ZNF385C: variants seen among roughly 807,000 people sequenced by gnomAD.
ZNF385C encodes the protein CTD-2132N18.2.
In ZNF385C, 28 loss-of-function variants were observed where a neutral mutation model predicts 35.4. That is an observed-to-expected ratio of 0.79 (90% CI 0.59 to 1.08). ZNF385C has a LOEUF of 1.08. ZNF385C is among the 50% of genes least tolerant of loss of function. The probability of loss-of-function intolerance (pLI) is 0.00; values close to 1 mark genes in which losing one functional copy is unlikely to be tolerated. For missense variants in ZNF385C, 605 were observed against 595.6 expected (o/e 1.02, Z -0.16); for synonymous variants, 248 against 248.2 (o/e 1.00, Z 0.01).
chr17:42,077,206 T>G (rs2053695549), intron 1 of ZNF385C, among the ~76,000 whole-genome samples: 1 of 152,246 alleles, frequency 6.6e-6, no homozygotes, highest in African/African-American at 2.4e-5. Context: ...TTGCTCTGAC[T>G]GTGTGAGTTT....
At chr17:42,064,700 G>A (rs1422684703) in intron 1 of ZNF385C, among the ~76,000 whole-genome samples, 2 of 152,066 alleles carry the variant, frequency 1.3e-5, no homozygotes, top group South Asian at 2.1e-4. Context: ...AAGTAGCTGG[G>A]ACTACAGGTG....
chr17:42,088,854 T>C (rs890686634), intron 1 of ZNF385C, among the ~76,000 whole-genome samples: 3 of 152,062 alleles, frequency 2.0e-5, no homozygotes, highest in Non-Finnish European at 4.4e-5. Flanking sequence ...ATACTCTATC[T>C]GTAACCCGTC....
chr17:42,035,118 CAAAAAAAA>C (rs1239388932), intron 3 of ZNF385C, among the ~76,000 whole-genome samples: 4 of 81,490 alleles, frequency 4.9e-5, no homozygotes, highest in Non-Finnish European at 6.5e-5. Context: ...GACTCTGTCT[CAAAAAAAA>C]AAAAAAAAAA....
intron 2 of ZNF385C, among the ~76,000 whole-genome samples, chr17:42,042,391 A>T (rs2053045487): frequency 6.6e-6 from 1 of 152,128 alleles, no homozygotes; most frequent in Non-Finnish European, 1.5e-5. Flanking sequence ...GCGTGGTGGC[A>T]CATGCCTATA....
chr17:42,064,068 G>GCACACACACACA (rs1197685074), intron 1 of ZNF385C, among the ~76,000 whole-genome samples: 5 of 59,570 alleles, frequency 8.4e-5, no homozygotes, highest in Admixed American at 5.4e-4. Flanking sequence ...GCGCGCACAC[G>GCACACACACACA]CACATACACA....
At chr17:42,040,389 G>C in intron 2 of ZNF385C, 1 of 1,231,968 alleles carries the variant, frequency 8.1e-7, no homozygotes, top group East Asian at 3.2e-5. Flanking sequence ...CCTGGAGGCG[G>C]GCCCCACCTG....
chr17:42,054,553 G>A (rs1294310823), intron 2 of ZNF385C, among the ~76,000 whole-genome samples: 1 of 151,526 alleles, frequency 6.6e-6, no homozygotes, highest in African/African-American at 2.4e-5. Context: ...GGAAGGAGAG[G>A]AGGGAGTTTA....
intron 4 of ZNF385C, among the ~76,000 whole-genome samples, chr17:42,032,672 GGAA>G (rs2052757627): frequency 6.6e-6 from 1 of 151,984 alleles, no homozygotes; most frequent in South Asian, 2.1e-4. Flanking sequence ...GGGTCCGGCA[GGAA>G]GAAGAATGGT....
intron 1 of ZNF385C, among the ~76,000 whole-genome samples, chr17:42,071,031 G>A (rs2053617118): frequency 6.6e-6 from 1 of 152,170 alleles, no homozygotes; most frequent in African/African-American, 2.4e-5. Flanking sequence ...CAGGGAGCTG[G>A]GGTCACCCAG....
rs369603718 is a variant in ZNF385C at position 42,027,050 on chromosome 17, G to C, written c.1359C>G (p.Ala453=). ...LPSPLPTAAT[A]ICALPGPLAL... is the part of the protein sequence containing the mutation. The stretch of plus-strand genomic sequence containing the variant: ...CCAGGGGCCCTGGCAGAGCACAGAT[G>C]GCAGTGGCTGCGGTGGGGAGCGGGC... The change falls in exon 9 of 9, where the codon GCC becomes GCG. Residue 453 remains alanine, a synonymous_variant. Coordinates refer to ENST00000692273, the MANE Select transcript of ZNF385C (RefSeq NM_001392013.1). 10 of 1,609,484 alleles carry C rather than the reference G, an allele frequency of 6.2e-6. No individual in the cohort carries two copies. Among genetic ancestry groups the C allele is most frequent in the Non-Finnish European group, 8.5e-6 (10 of 1,177,878 alleles).
rs1469390305 is a variant in ZNF385C at position 42,025,935 on chromosome 17, TCTTC to T, written c.*958_*961del. 3 of 152,168 alleles carry T rather than the reference TCTTC, an allele frequency of 2.0e-5. No individual in the cohort carries two copies. The highest frequency in any genetic ancestry group is 7.2e-5 in the African/African-American group (3 of 41,412). The allele number at this position is 152,168 out of a possible 1,614,324, so 9.4% of individuals were successfully genotyped here. On this transcript the variant is annotated 3_prime_UTR_variant, in exon 9 of 9. Coordinates refer to ENST00000692273, the MANE Select transcript of ZNF385C (RefSeq NM_001392013.1). ...GGAGTGGGAAGCTGTAGGGGAAAGCTCTTCCTTTGGGAGCTCTGCGGGGGGTTCG... is the reference window on the plus strand; with the variant it reads ...GGAGTGGGAAGCTGTAGGGGAAAGCTCTTTGGGAGCTCTGCGGGGGGTTCG...
intron 2 of ZNF385C, among the ~76,000 whole-genome samples, chr17:42,048,340 A>C (rs2053212105): frequency 6.7e-6 from 1 of 149,148 alleles, no homozygotes; most frequent in African/African-American, 2.5e-5. Flanking sequence ...TGAGTTTGAG[A>C]CCAGCCTGGG....
At chr17:42,065,417 T>C (rs77263438) in intron 1 of ZNF385C, 2,451 of 152,354 alleles carry the variant, frequency 0.016, 41 homozygotes, top group Middle Eastern at 0.041. Flanking sequence ...CATGCTTACT[T>C]TGCAGATCAG....
intron 8 of ZNF385C, 63 bp downstream of exon 8, chr17:42,027,555 C>A (rs1280924666): frequency 7.9e-6 from 3 of 379,642 alleles, no homozygotes; most frequent in East Asian, 7.1e-5. Context: ...CCCCATCTGG[C>A]CCTCCCAGCC....
At chr17:42,059,443 G>T (rs1555657803) in intron 2 of ZNF385C, among the ~76,000 whole-genome samples, 1 of 152,136 alleles carries the variant, frequency 6.6e-6, no homozygotes, top group African/African-American at 2.4e-5. Flanking sequence ...GGAGTATCAG[G>T]CCTCACGTCT....
At chr17:42,090,381 G>A (rs148325370) in intron 1 of ZNF385C, among the ~76,000 whole-genome samples, 1 of 144,576 alleles carries the variant, frequency 6.9e-6, no homozygotes, top group African/African-American at 2.6e-5. Flanking sequence ...CCACCTCCCA[G>A]GTTCAAGCGA....
intron 1 of ZNF385C, among the ~76,000 whole-genome samples, chr17:42,070,086 T>C (rs2053602674): frequency 1.3e-5 from 2 of 151,864 alleles, no homozygotes; most frequent in Non-Finnish European, 2.9e-5. Context: ...GGCTCACGCC[T>C]GTAATCCCAG....
intron 2 of ZNF385C, chr17:42,038,117 G>C (rs1379903620): frequency 6.6e-7 from 1 of 1,516,828 alleles, no homozygotes; most frequent in East Asian, 2.5e-5. Context: ...CAGCCCAGAG[G>C]GATGACCCTC....
chr17:42,033,613 C>A (rs936925836), intron 4 of ZNF385C, among the ~76,000 whole-genome samples: 3 of 152,046 alleles, frequency 2.0e-5, no homozygotes, highest in Admixed American at 1.3e-4. Context: ...ATTAGCCAGG[C>A]GTGGTAGCAC....
Sources: allele counts gnomAD v4.1 joint callset (sites outside exome capture counted in the v4.1 genomes callset), GRCh38; gene constraint gnomAD v4.1.1; transcripts MANE v1.5; gene names NCBI Gene and HGNC (gene_info 2026-07-23, HGNC 2026-07-21).